The following CSNK2A1 variants were observed in gnomAD, a reference collection of about 807,000 sequenced individuals.
CSNK2A1 encodes casein kinase 2 alpha 1, also known as casein kinase II subunit alpha.
Under a neutral mutation model 62.9 loss-of-function variants are expected in CSNK2A1, and 10 were observed. That is an observed-to-expected ratio of 0.16 (90% CI 0.10 to 0.27). The LOEUF (loss-of-function observed/expected upper bound fraction) is 0.27. Ranked by LOEUF, CSNK2A1 falls within the 10% of genes least tolerant of loss-of-function variation. CSNK2A1 has a pLI of 1.00. For synonymous variants in CSNK2A1, 124 were observed against 167.8 expected, an observed-to-expected ratio of 0.74 and a Z score of 2.02; for missense variants, 160 against 492.0, an observed-to-expected ratio of 0.33 and a Z score of 6.38.
At chr20:488,359 G>C (rs1346847301) in intron 11 of CSNK2A1, 1 of 255,612 alleles carries the variant, frequency 3.9e-6, no homozygotes, top group Non-Finnish European at 7.5e-6. Flanking sequence ...CTCTTGGAGA[G>C]AGGTTTTTCA....
At chr20:505,869 ATTTTTTTTTTTTTT>A (rs11483032) in intron 3 of CSNK2A1, 3 of 91,992 alleles carry the variant, frequency 3.3e-5, no homozygotes, top group African/African-American at 4.6e-5. Context: ...CAAGAGAATA[ATTTTTTTTTTTTTT>A]TTTTTTTTTG....
In CSNK2A1 at chr20:480,726, A is replaced by G. The variant is rs1021979136; in HGVS notation, c.*3235T>C. ...CTCTCTACTATGCAAACCCAATTCC[A>G]GTCTTGGGAGAGAATTTGCTGGTGG... On this transcript the variant is annotated 3_prime_UTR_variant, in exon 14 of 14. Transcript: ENST00000217244. 3 of 152,252 alleles carry G rather than the reference A, an allele frequency of 2.0e-5. No homozygotes were observed. Among genetic ancestry groups the G allele is most frequent in the African/African-American group, 7.2e-5 (3 of 41,452 alleles). The allele number at this position is 152,252 out of a possible 1,614,324, so 9.4% of individuals were successfully genotyped here.
At chr20:514,027 G>C (rs1470262248) in intron 2 of CSNK2A1, among the ~76,000 whole-genome samples, 2 of 152,250 alleles carry the variant, frequency 1.3e-5, no homozygotes, top group East Asian at 3.9e-4. Flanking sequence ...AGATAAAAGG[G>C]TACTAAGAGA....
At chr20:492,418 G>A in intron 8 of CSNK2A1, 54 bp from the exon 9 acceptor site, 1 of 1,559,258 alleles carries the variant, frequency 6.4e-7, no homozygotes, top group South Asian at 1.1e-5. Context: ...TACCCACACT[G>A]TGCCATTAGC....
At chr20:493,447 A>G (rs1289424444) in intron 8 of CSNK2A1, among the ~76,000 whole-genome samples, 1 of 152,160 alleles carries the variant, frequency 6.6e-6, no homozygotes, top group Non-Finnish European at 1.5e-5. Context: ...ATTTAAAAAT[A>G]AATATAAACA....
In CSNK2A1 at chr20:481,160, ACTT is replaced by A. The variant is rs1026240142; in HGVS notation, c.*2798_*2800del. The A allele has an allele frequency of 1.3e-5, 2 of 152,186 alleles. No homozygotes were observed. The highest frequency in any genetic ancestry group is 4.8e-5 in the African/African-American group (2 of 41,450). The allele number at this position is 152,186 out of a possible 1,614,324, so 9.4% of individuals were successfully genotyped here. ...AAAAATTAAAGACCTTCATGGCACA[ACTT>A]CTTCCCAGCACAGTTATGGTTTAGT... On this transcript the variant is annotated 3_prime_UTR_variant, in exon 14 of 14. Coordinates refer to ENST00000217244, the MANE Select transcript of CSNK2A1 (RefSeq NM_177559.3).
At position 482,830 on chromosome 20, in the gene CSNK2A1, C is replaced by T. The variant is rs2017980597; in HGVS notation, c.*1131G>A. The T allele has an allele frequency of 6.6e-6, 1 of 152,610 alleles. No individual in the cohort carries two copies. The highest frequency in any genetic ancestry group is 2.4e-5 in the African/African-American group (1 of 41,438). 9.5% of individuals were successfully genotyped at this position (152,610 alleles called of 1,614,324 possible). A position where few individuals can be genotyped will look rare whatever the true frequency, so the allele number is the denominator to read the frequency against. On this transcript the variant is annotated 3_prime_UTR_variant, in exon 14 of 14. Transcript: ENST00000217244. ...GTAACAAGAGAGTTTATAGTTTTCCCACAATTACAGGTCTACCATTTCAGC... is the reference window on the plus strand; with the variant it reads ...GTAACAAGAGAGTTTATAGTTTTCCTACAATTACAGGTCTACCATTTCAGC...
At position 493,486 on chromosome 20, in the gene CSNK2A1, A is replaced by G. The variant is rs1299921600; in HGVS notation, c.511-1122T>C. ...TTTTAAAAGGATTGTTCAGGTTGCT[A>G]TGGAGAGATTATAGATTCACAGGAA... is the stretch of plus-strand genomic sequence containing the variant. On this transcript the variant is annotated intron_variant, in intron 8 of 13. Transcript: ENST00000217244. Among the ~76,000 whole-genome samples, 3 of 152,344 alleles carry G rather than the reference A, an allele frequency of 2.0e-5. No homozygotes were observed. The East Asian group carries it at 5.8e-4, about 29-fold the overall frequency.
intron 1 of CSNK2A1, among the ~76,000 whole-genome samples, chr20:542,494 C>T (rs572951550): frequency 6.2e-4 from 95 of 152,280 alleles, no homozygotes; most frequent in African/African-American, 2.0e-3. Context: ...AGTGCAGTGG[C>T]GGATCTCAGC....
chr20:491,387 A>G (rs2018232489), intron 9 of CSNK2A1, among the ~76,000 whole-genome samples: 1 of 152,182 alleles, frequency 6.6e-6, no homozygotes, highest in African/African-American at 2.4e-5. Context: ...TAGTTACAGG[A>G]TGGGCATGGT....
chr20:487,217 T>A (rs772485702), intron 12 of CSNK2A1: 11 of 649,920 alleles, frequency 1.7e-5, no homozygotes, highest in Admixed American at 3.0e-5. Flanking sequence ...AGAGTTTATT[T>A]AGGAATGCTC....
chr20:523,783 C>T (rs566866594), intron 2 of CSNK2A1, among the ~76,000 whole-genome samples: 11 of 136,712 alleles, frequency 8.0e-5, no homozygotes, highest in South Asian at 5.1e-4. Flanking sequence ...CCCAACTACT[C>T]GGGAGGCTGA....
At chr20:535,828 C>A (rs985976872) in intron 1 of CSNK2A1, among the ~76,000 whole-genome samples, 18 of 150,526 alleles carry the variant, frequency 1.2e-4, no homozygotes, top group African/African-American at 4.4e-4. Flanking sequence ...ACAAAGCAAA[C>A]AAGAAAGCAA....
intron 4 of CSNK2A1, chr20:503,410 A>G (rs1403184205): frequency 5.0e-6 from 2 of 398,468 alleles, no homozygotes; most frequent in Non-Finnish European, 8.8e-6. Flanking sequence ...CTCTTTCTAC[A>G]TATTTCAAGA....
intron 1 of CSNK2A1, 116 bp from the exon 2 acceptor site, chr20:528,165 T>C (rs903608313): frequency 2.0e-5 from 3 of 152,194 alleles, no homozygotes; most frequent in African/African-American, 7.2e-5. Context: ...TGATGTTGGA[T>C]ATGTTATTTA....
intron 2 of CSNK2A1, among the ~76,000 whole-genome samples, chr20:510,623 A>G (rs757447987): frequency 3.3e-5 from 5 of 152,258 alleles, no homozygotes; most frequent in African/African-American, 7.2e-5. Context: ...CTGCACACTC[A>G]CAAATGATAA....
At chr20:510,594 A>G (rs1600393921) in intron 2 of CSNK2A1, among the ~76,000 whole-genome samples, 1 of 152,358 alleles carries the variant, frequency 6.6e-6, no homozygotes, top group Non-Finnish European at 1.5e-5. Flanking sequence ...TTACATGTGT[A>G]TATATATAGC....
intron 2 of CSNK2A1, among the ~76,000 whole-genome samples, chr20:523,034 T>C (rs1296560095): frequency 6.6e-6 from 1 of 152,166 alleles, no homozygotes; most frequent in Non-Finnish European, 1.5e-5. Context: ...CATTAGGATA[T>C]ACTGAGGGAA....
At chr20:490,335 C>CTTTTTTTTTTTTTTT (rs907727482) in intron 9 of CSNK2A1, among the ~76,000 whole-genome samples, 2 of 84,790 alleles carry the variant, frequency 2.4e-5, no homozygotes, top group African/African-American at 5.5e-5. Context: ...CTAGTTTTTT[C>CTTTTTTTTTTTTTTT]TTTTTTTTTT....
Sources: gnomAD v4.1 joint callset for allele counts (sites outside exome capture counted in the v4.1 genomes callset) on GRCh38, gnomAD v4.1.1 for gene constraint, MANE v1.5 for transcripts, NCBI Gene and HGNC (gene_info 2026-07-23, HGNC 2026-07-21) for gene names.